The following FLRT1 variants were observed in gnomAD, a reference collection of about 807,000 sequenced individuals.
FLRT1 encodes leucine-rich repeat transmembrane protein FLRT1.
Under a neutral mutation model 30.9 loss-of-function variants are expected in FLRT1, and 14 were observed. The ratio of observed to expected loss-of-function variants is 0.45; its 90% confidence interval spans 0.30 to 0.71. The LOEUF (loss-of-function observed/expected upper bound fraction) is 0.71, where lower values mean the gene tolerates loss of function less well. Ranked by LOEUF, FLRT1 falls within the 30% of genes least tolerant of loss-of-function variation. The pLI is 0.08. For synonymous variants in FLRT1, 368 were observed against 430.4 expected (o/e 0.85, Z 1.80); for missense variants, 737 against 949.2 (o/e 0.78, Z 2.94).
In FLRT1 at chr11:64,082,627, C is replaced by T. The variant is rs1944324464; in HGVS notation, c.-1037-20567C>T. Among the ~76,000 whole-genome samples the T allele has an allele frequency of 6.6e-6, 1 of 152,066 alleles. No individual in the cohort carries two copies. Among genetic ancestry groups the T allele is most frequent in the Non-Finnish European group, 1.5e-5 (1 of 67,978 alleles). On this transcript the variant is annotated intron_variant, in intron 1 of 2. Transcript: ENST00000682287. The surrounding 1 kb of genome is among the most constrained non-coding windows in gnomAD (Gnocchi z 4.5). Reference sequence around the variant, plus strand: ...TGAAGACGGAACCTCTGAGTGCAGGCACCAGGTGGGAGGGTGGGGACCCCC... The same window carrying T: ...TGAAGACGGAACCTCTGAGTGCAGGTACCAGGTGGGAGGGTGGGGACCCCC...
intron 1 of FLRT1, among the ~76,000 whole-genome samples, chr11:64,070,525 C>CATT (rs1944087683): frequency 6.6e-6 from 1 of 152,170 alleles, no homozygotes; most frequent in Non-Finnish European, 1.5e-5. Context: ...GGGAAGGCTG[C>CATT]CCGAGAGCAG....
At chr11:64,094,971 G>A (rs919887912) in intron 1 of FLRT1, among the ~76,000 whole-genome samples, 4 of 152,216 alleles carry the variant, frequency 2.6e-5, no homozygotes, top group African/African-American at 9.6e-5. Context: ...AAAGTACTAG[G>A]GGCCTCGTTA....
At chr11:64,038,882 C>T (rs1943432358) in intron 1 of FLRT1, among the ~76,000 whole-genome samples, 1 of 152,216 alleles carries the variant, frequency 6.6e-6, no homozygotes. Flanking sequence ...AGTGACCCGT[C>T]TTCCTCATCT....
At chr11:64,069,724 G>A (rs943917479) in intron 1 of FLRT1, among the ~76,000 whole-genome samples, 12 of 152,204 alleles carry the variant, frequency 7.9e-5, no homozygotes, top group Non-Finnish European at 1.3e-4. Context: ...TGACACCCCC[G>A]GGCCCGGCCC....
At chr11:64,065,526 A>T (rs529380806) in intron 1 of FLRT1, among the ~76,000 whole-genome samples, 1 of 152,176 alleles carries the variant, frequency 6.6e-6, no homozygotes, top group Admixed American at 6.5e-5. Context: ...GCGGTGGCTC[A>T]TGCCTGTAAT....
In FLRT1 at chr11:64,096,697, A is replaced by T. The variant is rs983783376; in HGVS notation, c.-1037-6497A>T. 6.6e-6 allele frequency among the ~76,000 whole-genome samples: 1 copy of T among 152,186 alleles called. No individual in the cohort carries two copies. Among genetic ancestry groups the T allele is most frequent in the Non-Finnish European group, 1.5e-5 (1 of 68,018 alleles). On this transcript the variant is annotated intron_variant, in intron 1 of 2. Transcript: ENST00000682287. This position sits in a 1 kb window ranked among gnomAD's most constrained non-coding sequence, Gnocchi z 4.6. ...CTCCCAAAGTGCTGGGATTACAGGC[A>T]TGAGCCACCGCACCCTACCCTCTCC...
rs1285935839 is a variant in FLRT1, at chr11:64,101,194, G to C, written c.-1037-2000G>C. Among the ~76,000 whole-genome samples the C allele has an allele frequency of 3.9e-5, 6 of 152,164 alleles. No homozygotes were observed. In the East Asian group the frequency reaches 1.2e-3, roughly 29 times the overall value. ...TCTTACAGAAGGGGAACAGTACAGT[G>C]AAGGGCCAGGCTGGAGCCAGCTCAG... On this transcript the variant is annotated intron_variant, in intron 1 of 2. Coordinates refer to ENST00000682287, the MANE Select transcript of FLRT1 (RefSeq NM_013280.5).
At chr11:64,079,410 G>C (rs1168987802) in intron 1 of FLRT1, among the ~76,000 whole-genome samples, 1 of 152,066 alleles carries the variant, frequency 6.6e-6, no homozygotes, top group Non-Finnish European at 1.5e-5. Flanking sequence ...TGGGGATGGG[G>C]GGGTGTGCGA....
intron 1 of FLRT1, among the ~76,000 whole-genome samples, chr11:64,086,495 C>G (rs572656816): frequency 6.6e-6 from 1 of 151,754 alleles, no homozygotes; most frequent in East Asian, 2.0e-4. Context: ...CAGGCCCTTC[C>G]CTGAGGTCCC....
At chr11:64,102,746 C>T (rs887662885) in intron 1 of FLRT1, among the ~76,000 whole-genome samples, 21 of 152,064 alleles carry the variant, frequency 1.4e-4, no homozygotes, top group African/African-American at 3.9e-4. Context: ...GCCCCTTCCC[C>T]GGCTCATAGG....
intron 1 of FLRT1, among the ~76,000 whole-genome samples, chr11:64,045,388 G>A (rs1016675522): frequency 6.6e-6 from 1 of 152,242 alleles, no homozygotes; most frequent in African/African-American, 2.4e-5. Context: ...ACCTGGGCAT[G>A]TTGATAATTT....
intron 1 of FLRT1, among the ~76,000 whole-genome samples, chr11:64,070,409 C>T (rs1052814416): frequency 1.3e-5 from 2 of 152,168 alleles, no homozygotes; most frequent in African/African-American, 4.8e-5. Context: ...GAGCCGGCCA[C>T]GCCTCTCCAG....
rs778646482 is a variant in FLRT1, at chr11:64,067,766, C to T, written c.-1038+31607C>T. On this transcript the variant is annotated intron_variant, in intron 1 of 2. Transcript: ENST00000682287. This position sits in a 1 kb window ranked among gnomAD's most constrained non-coding sequence, Gnocchi z 4.6. ...CCCCCAGCTTGTGAACTGGGGGTGG[C>T]CCCAGAGCTGTTTGTTTTCCCTGAC... Among the ~76,000 whole-genome samples, 18 of 152,124 alleles carry T rather than the reference C, an allele frequency of 1.2e-4. No homozygotes were observed. The highest frequency in any genetic ancestry group is 1.9e-4 in the Non-Finnish European group (13 of 68,016).
At chr11:64,101,147 G>A (rs1406546513) in intron 1 of FLRT1, among the ~76,000 whole-genome samples, 1 of 152,114 alleles carries the variant, frequency 6.6e-6, no homozygotes, top group Non-Finnish European at 1.5e-5. Context: ...TGCAGGGAGG[G>A]AGGGATGACG....
At chr11:64,075,920 C>T (rs571010321) in intron 1 of FLRT1, among the ~76,000 whole-genome samples, 3 of 152,340 alleles carry the variant, frequency 2.0e-5, no homozygotes, top group African/African-American at 7.2e-5. Flanking sequence ...GTGATCCACC[C>T]GCCTCGGCTT....
intron 1 of FLRT1, among the ~76,000 whole-genome samples, chr11:64,099,515 T>C (rs1382653772): frequency 6.6e-6 from 1 of 151,492 alleles, no homozygotes; most frequent in Non-Finnish European, 1.5e-5. Context: ...GACGGATAGA[T>C]GGAGAAATGG....
At chr11:64,068,752 G>A (rs902258795) in intron 1 of FLRT1, among the ~76,000 whole-genome samples, 3 of 152,236 alleles carry the variant, frequency 2.0e-5, no homozygotes, top group Non-Finnish European at 4.4e-5. Context: ...TAGCCTGGGA[G>A]CCCAGATAAT....
intron 2 of FLRT1, among the ~76,000 whole-genome samples, chr11:64,114,526 C>G (rs1944937499): frequency 8.0e-6 from 1 of 124,262 alleles, no homozygotes; most frequent in African/African-American, 3.0e-5. Flanking sequence ...GATGGATGGA[C>G]AGGTGGATGT....
chr11:64,113,417 C>T (rs370672840), intron 2 of FLRT1, among the ~76,000 whole-genome samples: 2 of 144,720 alleles, frequency 1.4e-5, no homozygotes, highest in African/African-American at 5.2e-5. Flanking sequence ...CAGGTTGATG[C>T]ATGGATGGAT....
Sources: allele counts gnomAD v4.1 joint callset (sites outside exome capture counted in the v4.1 genomes callset), GRCh38; gene constraint gnomAD v4.1.1; non-coding constraint Gnocchi (gnomAD v3.1); transcripts MANE v1.5; gene names NCBI Gene and HGNC (gene_info 2026-07-23, HGNC 2026-07-21).